Variants in SUMF1 observed in about 807,000 individuals in gnomAD.
SUMF1 encodes formylglycine-generating enzyme.
In SUMF1, 48 loss-of-function variants were observed where a neutral mutation model predicts 47.6. That is an observed-to-expected ratio of 1.01 (90% confidence interval 0.80 to 1.28). The LOEUF is 1.28. SUMF1 is among the 50% of genes most tolerant of loss of function. SUMF1 has a pLI of 0.00. For synonymous variants in SUMF1, 230 were observed against 192.1 expected (o/e 1.20, Z -1.63); for missense variants, 571 against 485.4 (o/e 1.18, Z -1.66).
At chr3:4,396,318 A>G (rs1209365255) in intron 7 of SUMF1, among the ~76,000 whole-genome samples, 1 of 152,228 alleles carries the variant, frequency 6.6e-6, no homozygotes, top group East Asian at 1.9e-4. Flanking sequence ...CAGACACACA[A>G]ACCTCTCTAT....
intron 3 of SUMF1, among the ~76,000 whole-genome samples, chr3:4,437,281 T>C (rs1379847048): frequency 1.3e-5 from 2 of 152,124 alleles, no homozygotes; most frequent in Non-Finnish European, 1.5e-5. Context: ...ATGACTAGAG[T>C]AAGGTCATGG....
intron 9 of SUMF1, among the ~76,000 whole-genome samples, chr3:4,059,909 G>T (rs1437764234): frequency 6.6e-6 from 1 of 152,074 alleles, no homozygotes; most frequent in Non-Finnish European, 1.5e-5. Context: ...CTGGAACAGG[G>T]GACTGTATAT....
intron 7 of SUMF1, among the ~76,000 whole-genome samples, chr3:4,400,411 T>C (rs916993414): frequency 5.3e-5 from 8 of 152,194 alleles, no homozygotes; most frequent in Non-Finnish European, 1.0e-4. Context: ...GAAACCACCA[T>C]TAGGAATTCT....
At chr3:4,412,962 G>A (rs537424134) in intron 6 of SUMF1, among the ~76,000 whole-genome samples, 7 of 152,128 alleles carry the variant, frequency 4.6e-5, no homozygotes, top group African/African-American at 1.4e-4. Flanking sequence ...GAGCACAGGT[G>A]GAGGTGCTCT....
chr3:4,046,416 C>G (rs765067559), intron 9 of SUMF1, among the ~76,000 whole-genome samples: 1 of 152,140 alleles, frequency 6.6e-6, no homozygotes, highest in Non-Finnish European at 1.5e-5. Flanking sequence ...TGAGTTTTAG[C>G]CAGTGGGATA....
At chr3:4,124,987 T>C (rs1693624810) in intron 8 of SUMF1, among the ~76,000 whole-genome samples, 1 of 152,140 alleles carries the variant, frequency 6.6e-6, no homozygotes, top group African/African-American at 2.4e-5. Context: ...GTGATTCCAA[T>C]CAAATCATTT....
intron 8 of SUMF1, among the ~76,000 whole-genome samples, chr3:4,253,964 C>A (rs560175795): frequency 1.3e-5 from 2 of 150,898 alleles, no homozygotes; most frequent in African/African-American, 2.4e-5. Flanking sequence ...CCCTGACCCC[C>A]GAGCAGCCTA....
At position 4,208,441 on chromosome 3, in the gene SUMF1, C is replaced by T. The variant is rs143724252; in HGVS notation, c.1015-139696G>A. Among the ~76,000 whole-genome samples the T allele has an allele frequency of 2.0e-3, 261 of 129,218 alleles. 2 individuals carry two copies. The highest frequency in any genetic ancestry group is 7.4e-3 in the African/African-American group (251 of 33,900). 84.8% of individuals were successfully genotyped at this position (129,218 alleles called of 152,430 possible). On this transcript the variant is annotated intron_variant and NMD_transcript_variant, in intron 8 of 12. Transcript: ENST00000448413. ...CCAGTATATCATGTCAACCTTTCTA[C>T]AGAAAATTTATAGGACATTCTAGAA...
chr3:4,424,215 A>T (rs549362513), intron 3 of SUMF1, among the ~76,000 whole-genome samples: 1 of 152,150 alleles, frequency 6.6e-6, no homozygotes, highest in South Asian at 2.1e-4. Flanking sequence ...TAGTTTTTTT[A>T]TCTCCTTCCA....
At chr3:4,183,047 G>A (rs2600116) in intron 8 of SUMF1, among the ~76,000 whole-genome samples, 58,168 of 151,852 alleles carry the variant, frequency 0.38, 11,604 homozygotes, top group East Asian at 0.58. Flanking sequence ...GGCCAACTGG[G>A]AATAAGAAAG....
chr3:4,291,249 G>A (rs745945017), intron 8 of SUMF1, among the ~76,000 whole-genome samples: 15 of 152,124 alleles, frequency 9.9e-5, no homozygotes, highest in Non-Finnish European at 1.6e-4. Flanking sequence ...ACTGATGGTA[G>A]TCCCAGCTTA....
intron 3 of SUMF1, among the ~76,000 whole-genome samples, chr3:4,443,026 A>G (rs1702657611): frequency 6.6e-6 from 1 of 152,104 alleles, no homozygotes; most frequent in Non-Finnish European, 1.5e-5. Flanking sequence ...CTGTAATCCT[A>G]GCACTTTGGG....
chr3:4,438,420 A>G (rs1249412973), intron 3 of SUMF1, among the ~76,000 whole-genome samples: 1 of 152,112 alleles, frequency 6.6e-6, no homozygotes, highest in Non-Finnish European at 1.5e-5. Context: ...CTGCTAAGTC[A>G]GTTTGCCTAC....
intron 8 of SUMF1, among the ~76,000 whole-genome samples, chr3:4,166,840 G>A (rs1041870293): frequency 1.3e-5 from 2 of 152,114 alleles, no homozygotes; most frequent in Admixed American, 6.5e-5. Context: ...AAAAGCAGAA[G>A]CTGGTTCCAG....
At chr3:4,077,445 G>T (rs1422523049) in intron 8 of SUMF1, among the ~76,000 whole-genome samples, 1 of 152,006 alleles carries the variant, frequency 6.6e-6, no homozygotes, top group African/African-American at 2.4e-5. Flanking sequence ...AGAAAATGTG[G>T]CACATACACA....
chr3:4,196,173 T>C lies in SUMF1; in HGVS notation c.1015-127428A>G, dbSNP rs369675486. On this transcript the variant is annotated intron_variant and NMD_transcript_variant, in intron 8 of 12. Coordinates refer to the SUMF1 transcript ENST00000448413. ...TCCAGAAGCATGCAGTTGTTAGTTC[T>C]GGTTTAGTTAGCTCCAGAGCCTCTG... Among the ~76,000 whole-genome samples, 15 of 152,270 alleles carry C rather than the reference T, an allele frequency of 9.9e-5. No homozygotes were observed. In the East Asian group the frequency reaches 2.1e-3, roughly 22 times the overall value.
intron 9 of SUMF1, among the ~76,000 whole-genome samples, chr3:4,041,439 A>G (rs559574831): frequency 7.2e-5 from 11 of 152,326 alleles, no homozygotes; most frequent in South Asian, 2.1e-4. Context: ...ACCTGACACA[A>G]TAACTACTTT....
intron 8 of SUMF1, among the ~76,000 whole-genome samples, chr3:4,159,993 C>G (rs1248190605): frequency 6.6e-6 from 1 of 152,030 alleles, no homozygotes; most frequent in Non-Finnish European, 1.5e-5. Flanking sequence ...CTTTCTTTAT[C>G]CTTGACATTT....
At chr3:4,048,629 AT>A (rs1695048830) in intron 9 of SUMF1, among the ~76,000 whole-genome samples, 1 of 151,606 alleles carries the variant, frequency 6.6e-6, no homozygotes, top group South Asian at 2.1e-4. Flanking sequence ...ATTAATTTTA[AT>A]TTCCTTTTTT....
Sources: gnomAD v4.1 joint callset for allele counts (sites outside exome capture counted in the v4.1 genomes callset) on GRCh38, gnomAD v4.1.1 for gene constraint, MANE v1.5 for transcripts, NCBI Gene and HGNC (gene_info 2026-07-23, HGNC 2026-07-21) for gene names.